Variants in CSNK2A2IP observed in about 807,000 individuals in gnomAD.
CSNK2A2IP encodes casein kinase II subunit alpha'-interacting protein.
At chr3:88,416,785 CAA>C in the CSNK2A2IP span, among the ~76,000 whole-genome samples, 5 of 152,052 alleles carry the variant, frequency 3.3e-5, no homozygotes, top group Admixed American at 6.6e-5. Context: ...GCTGCTTGAC[CAA>C]AGAGCTGAGA....
At chr3:88,435,248 C>A in the CSNK2A2IP span, among the ~76,000 whole-genome samples, 54,541 of 151,840 alleles carry the variant, frequency 0.36, 10,999 homozygotes, top group Non-Finnish European at 0.47. Context: ...GTCCTCCACT[C>A]CCTGGGTTGG....
chr3:88,367,416 G>C, the CSNK2A2IP span, among the ~76,000 whole-genome samples: 1 of 152,028 alleles, frequency 6.6e-6, no homozygotes. Context: ...GATAATGCTT[G>C]AGATTATGAG....
chr3:88,357,602 T>A, the CSNK2A2IP span, among the ~76,000 whole-genome samples: 1 of 152,208 alleles, frequency 6.6e-6, no homozygotes, highest in East Asian at 1.9e-4. Flanking sequence ...TTATTATTTT[T>A]TGATTTATGT....
the CSNK2A2IP span, among the ~76,000 whole-genome samples, chr3:88,380,847 T>C: frequency 6.6e-6 from 1 of 152,316 alleles, no homozygotes; most frequent in Admixed American, 6.5e-5. Flanking sequence ...GGCAAATCAT[T>C]CATAGATTTA....
At chr3:88,414,900 G>A in the CSNK2A2IP span, among the ~76,000 whole-genome samples, 1 of 151,792 alleles carries the variant, frequency 6.6e-6, no homozygotes, top group Non-Finnish European at 1.5e-5. Context: ...TAAATTATAT[G>A]CTATTCAACA....
At chr3:88,447,381 A>T in the CSNK2A2IP span, among the ~76,000 whole-genome samples, 1 of 152,072 alleles carries the variant, frequency 6.6e-6, no homozygotes, top group Admixed American at 6.5e-5. Flanking sequence ...TGGTTGTTTT[A>T]ATAATTTACT....
chr3:88,401,252 C>A, the CSNK2A2IP span, among the ~76,000 whole-genome samples: 2 of 151,968 alleles, frequency 1.3e-5, no homozygotes, highest in Non-Finnish European at 2.9e-5. Context: ...AGAATTAATT[C>A]TGATAATTTC....
the CSNK2A2IP span, among the ~76,000 whole-genome samples, chr3:88,452,431 G>GC: frequency 5.9e-5 from 9 of 152,246 alleles, no homozygotes; most frequent in South Asian, 2.1e-4. Context: ...GGCTGACTCA[G>GC]CACTCCACAT....
the CSNK2A2IP span, among the ~76,000 whole-genome samples, chr3:88,421,033 C>T: frequency 6.6e-6 from 1 of 151,980 alleles, no homozygotes; most frequent in Admixed American, 6.6e-5. Context: ...TATTTAGAAC[C>T]TTTCTCATTA....
chr3:88,340,844 C>T, the CSNK2A2IP span, among the ~76,000 whole-genome samples: 788 of 151,914 alleles, frequency 5.2e-3, 8 homozygotes, highest in African/African-American at 0.018. Flanking sequence ...TTTATATGAG[C>T]CTTTGTCTTA....
the CSNK2A2IP span, among the ~76,000 whole-genome samples, chr3:88,347,585 C>A: frequency 2.0e-5 from 3 of 151,972 alleles, no homozygotes; most frequent in Non-Finnish European, 4.4e-5. Flanking sequence ...AAAGTATGTA[C>A]ACTTTTCTAG....
chr3:88,400,425 A>G, the CSNK2A2IP span, among the ~76,000 whole-genome samples: 42 of 152,240 alleles, frequency 2.8e-4, no homozygotes, highest in Non-Finnish European at 4.3e-4. Context: ...AAAGGTTTCC[A>G]TGTGCTAATT....
the CSNK2A2IP span, among the ~76,000 whole-genome samples, chr3:88,423,968 T>A: frequency 6.6e-6 from 1 of 152,164 alleles, no homozygotes; most frequent in Non-Finnish European, 1.5e-5. Context: ...ATAGGAGATA[T>A]TTAAAAATTA....
the CSNK2A2IP span, among the ~76,000 whole-genome samples, chr3:88,455,803 T>C: frequency 2.6e-5 from 4 of 151,972 alleles, no homozygotes. Context: ...ATTTTTTCTA[T>C]GTATTTTTGT....
the CSNK2A2IP span, among the ~76,000 whole-genome samples, chr3:88,446,026 TTTCTTTTCTTTCTTTC>T: frequency 0.083 from 9,444 of 113,386 alleles, 793 homozygotes; most frequent in Non-Finnish European, 0.11. Context: ...TCTTTCTTTG[TTTCTTTTCTTTCTTTC>T]TTTCTTTCTT....
the CSNK2A2IP span, chr3:88,399,633 A>C: frequency 6.6e-6 from 1 of 152,344 alleles, no homozygotes; most frequent in South Asian, 2.1e-4. Context: ...GCAGGCACAC[A>C]GGCCTGAGAC....
chr3:88,451,771 T>A, the CSNK2A2IP span, among the ~76,000 whole-genome samples: 2 of 151,954 alleles, frequency 1.3e-5, no homozygotes, highest in South Asian at 4.1e-4. Flanking sequence ...TTACTGAATT[T>A]ATATTTATTC....
chr3:88,402,322 G>A, the CSNK2A2IP span, among the ~76,000 whole-genome samples: 1 of 151,986 alleles, frequency 6.6e-6, no homozygotes. Context: ...TGTTGGTAGT[G>A]GTTGTATAAA....
chr3:88,446,494 A>AT, the CSNK2A2IP span, among the ~76,000 whole-genome samples: 16 of 152,050 alleles, frequency 1.1e-4, no homozygotes, highest in Non-Finnish European at 1.9e-4. Context: ...TTCCAACTGA[A>AT]TTTTTCCAAT....
Sources: gnomAD v4.1 joint callset for allele counts (sites outside exome capture counted in the v4.1 genomes callset) on GRCh38, gnomAD v4.1.1 for gene constraint, MANE v1.5 for transcripts, NCBI Gene and HGNC (gene_info 2026-07-23, HGNC 2026-07-21) for gene names.